Variants in ARHGAP29 observed in about 807,000 individuals in gnomAD.
ARHGAP29 encodes Rho GTPase activating protein 29, also known as rho GTPase-activating protein 29.
A neutral mutation model predicts 122.6 loss-of-function variants in ARHGAP29; 43 were observed. The ratio of observed to expected loss-of-function variants is 0.35; its 90% CI spans 0.27 to 0.45. The LOEUF (loss-of-function observed/expected upper bound fraction) is 0.45. Among genes scored for constraint, ARHGAP29 ranks in the 20% least tolerant of loss-of-function variants. The probability of loss-of-function intolerance (pLI) is 1.00; values close to 1 mark genes in which losing one functional copy is unlikely to be tolerated. For missense variants in ARHGAP29, 1,303 were observed against 1,477.2 expected (o/e 0.88, Z 1.93); for synonymous variants, 506 against 497.1 (o/e 1.02, Z -0.24).
intron 3 of ARHGAP29, among the ~76,000 whole-genome samples, chr1:94,212,395 T>C (rs961056800): frequency 7.2e-5 from 11 of 152,230 alleles, no homozygotes; most frequent in African/African-American, 2.7e-4. Flanking sequence ...AATTTTCAAA[T>C]TGCACCATTG....
chr1:94,312,421 G>A, the ARHGAP29 span, among the ~76,000 whole-genome samples: 1 of 120,776 alleles, frequency 8.3e-6, no homozygotes, highest in African/African-American at 3.1e-5. Flanking sequence ...GAACAGAGAT[G>A]TCCCCCCTCC....
At chr1:94,231,210 G>C (rs1161855431) in intron 2 of ARHGAP29, among the ~76,000 whole-genome samples, 197 bp downstream of exon 2, 1 of 151,962 alleles carries the variant, frequency 6.6e-6, no homozygotes, top group Non-Finnish European at 1.5e-5. Context: ...TCACACTGAA[G>C]TTTCTATTAG....
intron 1 of ARHGAP29, among the ~76,000 whole-genome samples, chr1:94,233,781 G>A (rs1293479599): frequency 6.6e-6 from 1 of 152,144 alleles, no homozygotes; most frequent in East Asian, 1.9e-4. Context: ...TGTGTGGCAT[G>A]CTTCTGGGTA....
chr1:94,308,574 G>A, the ARHGAP29 span, among the ~76,000 whole-genome samples: 1 of 152,180 alleles, frequency 6.6e-6, no homozygotes, highest in Admixed American at 6.5e-5. Context: ...CCCAAGCCAA[G>A]TCACGTCATC....
rs780846704 is a variant in ARHGAP29 at position 94,190,013 on chromosome 1, C to G, written c.1352G>C (p.Cys451Ser). ...ASLADSLQSL[C>S]DSAKLYDPGQ... ...TGGGTCATAGAGTTTGGCACTATCA[C>G]AGAGAGACTGTAAACTGTCTGCAAG... The change falls in exon 13 of 23, where the codon TGT becomes TCT. Residue 451 changes from cysteine (C) to serine (S), a missense_variant. Around this residue, in one of 3 missense-constraint regions of ARHGAP29, gnomAD observed 592 missense variants for 648.2 expected, o/e 0.91. Coordinates refer to ENST00000260526, the MANE Select transcript of ARHGAP29 (RefSeq NM_004815.4). 1.9e-6 allele frequency: 3 copies of G among 1,613,518 alleles called. No individual in the cohort carries two copies. The highest frequency in any genetic ancestry group is 2.5e-6 in the Non-Finnish European group (3 of 1,179,642).
At chr1:94,212,254 T>A (rs1443004315) in intron 3 of ARHGAP29, among the ~76,000 whole-genome samples, 1 of 151,780 alleles carries the variant, frequency 6.6e-6, no homozygotes, top group Non-Finnish European at 1.5e-5. Context: ...CGAGACTCCA[T>A]CTCAAAAAAT....
the ARHGAP29 span, among the ~76,000 whole-genome samples, chr1:94,289,272 A>G: frequency 2.9e-4 from 44 of 152,208 alleles, no homozygotes; most frequent in African/African-American, 7.2e-5. Context: ...GAGTTCACTC[A>G]TGATTTGGCT....
At chr1:94,205,770 G>A in intron 5 of ARHGAP29, 87 bp from the exon 6 acceptor site, 1 of 1,135,460 alleles carries the variant, frequency 8.8e-7, no homozygotes, top group South Asian at 1.3e-5. Context: ...TTGTTACTCT[G>A]ACATAATTCC....
At chr1:94,222,067 A>G (rs1170366889) in intron 2 of ARHGAP29, among the ~76,000 whole-genome samples, 2 of 152,200 alleles carry the variant, frequency 1.3e-5, no homozygotes, top group African/African-American at 4.8e-5. Flanking sequence ...AAAGTTTCCA[A>G]TGGCCAAAGC....
intron 1 of ARHGAP29, among the ~76,000 whole-genome samples, chr1:94,257,188 G>C (rs968829834): frequency 8.6e-5 from 13 of 151,858 alleles, no homozygotes; most frequent in African/African-American, 3.1e-4. Flanking sequence ...CAAATCATGA[G>C]GGCAGGAGAT....
chr1:94,207,588 AAC>A (rs1651285881), intron 5 of ARHGAP29, among the ~76,000 whole-genome samples: 1 of 152,170 alleles, frequency 6.6e-6, no homozygotes, highest in Admixed American at 6.5e-5. Flanking sequence ...AAGTAGTAGC[AAC>A]AGTTTGAAAA....
At chr1:94,258,566 T>C (rs1654448595) in intron 1 of ARHGAP29, among the ~76,000 whole-genome samples, 1 of 152,154 alleles carries the variant, frequency 6.6e-6, no homozygotes, top group African/African-American at 2.4e-5. Flanking sequence ...CTTAGGGGGC[T>C]CCCACAGGGG....
chr1:94,292,874 C>T, the ARHGAP29 span, among the ~76,000 whole-genome samples: 1 of 152,172 alleles, frequency 6.6e-6, no homozygotes. Context: ...GTCTGTTGGT[C>T]CCTACTGGGA....
rs17111243 is a variant in ARHGAP29 at position 94,236,893 on chromosome 1, A to C, written c.-33+522T>G. The stretch of plus-strand genomic sequence containing the variant: ...GCAGGTGGGAGCGGGAATAGAATCC[A>C]GGCAAGAACACAGACCCATAGTGAT... On this transcript the variant is annotated intron_variant, in intron 1 of 22. Transcript: ENST00000260526. 4.9e-3 allele frequency among the ~76,000 whole-genome samples: 752 copies of C among 152,240 alleles called. 2 individuals are homozygous for C. Among genetic ancestry groups the C allele is most frequent in the African/African-American group, 0.017 (710 of 41,544 alleles).
intron 12 of ARHGAP29, among the ~76,000 whole-genome samples, chr1:94,197,780 T>C (rs910137112): frequency 6.6e-6 from 1 of 152,298 alleles, no homozygotes; most frequent in Admixed American, 6.5e-5. Flanking sequence ...AGAAAAATAT[T>C]TGATAAAATC....
the ARHGAP29 span, among the ~76,000 whole-genome samples, chr1:94,296,025 A>G: frequency 6.6e-6 from 1 of 152,238 alleles, no homozygotes; most frequent in Non-Finnish European, 1.5e-5. Flanking sequence ...GGAAGAAGGC[A>G]GAGGAATAAA....
At chr1:94,217,088 C>T (rs1342893874) in intron 3 of ARHGAP29, among the ~76,000 whole-genome samples, 1 of 152,142 alleles carries the variant, frequency 6.6e-6, no homozygotes, top group African/African-American at 2.4e-5. Context: ...TGTGGTAATA[C>T]AAGTAAGATT....
chr1:94,201,393 G>T (rs1254495887), intron 12 of ARHGAP29, among the ~76,000 whole-genome samples: 1 of 152,092 alleles, frequency 6.6e-6, no homozygotes, highest in Non-Finnish European at 1.5e-5. Flanking sequence ...CGTAAGAATT[G>T]TAACTTATCA....
At chr1:94,272,775 T>C (rs1019945349) in intron 1 of ARHGAP29, among the ~76,000 whole-genome samples, 1 of 152,168 alleles carries the variant, frequency 6.6e-6, no homozygotes, top group African/African-American at 2.4e-5. Context: ...TTCCCACCTA[T>C]ACCTGCTCCC....
Sources: allele counts gnomAD v4.1 joint callset (sites outside exome capture counted in the v4.1 genomes callset), GRCh38; gene constraint gnomAD v4.1.1; regional missense constraint gnomAD v4.1.1; transcripts MANE v1.5; gene names NCBI Gene and HGNC (gene_info 2026-07-23, HGNC 2026-07-21).